SLX4IP: variants seen among roughly 807,000 people sequenced by gnomAD.
The protein encoded by SLX4IP is SLX4 interacting protein, also known as protein SLX4IP.
In SLX4IP, 34 loss-of-function variants were observed where a neutral mutation model predicts 32.9. The ratio of observed to expected loss-of-function variants is 1.03; its 90% CI spans 0.79 to 1.38. SLX4IP has a LOEUF of 1.38. Among genes scored for constraint, SLX4IP ranks in the 40% most tolerant of loss-of-function variants. The pLI, the probability that SLX4IP is intolerant of heterozygous loss-of-function variation, is 0.00. For missense variants in SLX4IP, 444 were observed against 479.0 expected (o/e 0.93, Z 0.68); for synonymous variants, 172 against 171.7 (o/e 1.00, Z -0.01).
chr20:10,609,345 G>C (rs1182162524), intron 6 of SLX4IP, among the ~76,000 whole-genome samples: 2 of 152,220 alleles, frequency 1.3e-5, no homozygotes, highest in African/African-American at 4.8e-5. Context: ...AGGATACAGT[G>C]TCATAACGGG....
At chr20:10,538,127 C>T (rs138469861) in intron 2 of SLX4IP, among the ~76,000 whole-genome samples, 115 of 152,182 alleles carry the variant, frequency 7.6e-4, no homozygotes, top group African/African-American at 2.6e-3. Flanking sequence ...TTTGTTGTTC[C>T]GGGCAGCTGG....
chr20:10,552,242 C>T (rs1351464567), intron 2 of SLX4IP, among the ~76,000 whole-genome samples: 3 of 152,058 alleles, frequency 2.0e-5, no homozygotes, highest in African/African-American at 7.2e-5. Context: ...TGCAGAGTGA[C>T]CAGTTCTGGG....
chr20:10,525,627 A>G (rs1333020240), intron 2 of SLX4IP, among the ~76,000 whole-genome samples: 1 of 152,020 alleles, frequency 6.6e-6, no homozygotes, highest in African/African-American at 2.4e-5. Flanking sequence ...CTTTGTTTCT[A>G]TCACTATTTT....
chr20:10,511,867 A>G (rs185266647), intron 2 of SLX4IP, among the ~76,000 whole-genome samples: 236 of 152,356 alleles, frequency 1.5e-3, no homozygotes, highest in African/African-American at 5.5e-3. Flanking sequence ...AATGTTCATT[A>G]AGTATGAAAC....
chr20:10,502,061 C>G (rs1364997364), intron 2 of SLX4IP, among the ~76,000 whole-genome samples: 1 of 152,052 alleles, frequency 6.6e-6, no homozygotes, highest in Admixed American at 6.6e-5. Flanking sequence ...GAAACGGCGG[C>G]TTATTCATTT....
chr20:10,586,640 A>G (rs1435705272), intron 4 of SLX4IP, among the ~76,000 whole-genome samples: 1 of 152,214 alleles, frequency 6.6e-6, no homozygotes, highest in Non-Finnish European at 1.5e-5. Context: ...AGGGAAAAAA[A>G]GATGAAGAGA....
chr20:10,516,944 C>G (rs1481648114), intron 2 of SLX4IP, among the ~76,000 whole-genome samples: 1 of 152,164 alleles, frequency 6.6e-6, no homozygotes, highest in Non-Finnish European at 1.5e-5. Context: ...TCCCTTCAAT[C>G]TATACAATAT....
intron 4 of SLX4IP, among the ~76,000 whole-genome samples, chr20:10,564,229 A>G (rs991797090): frequency 6.6e-6 from 1 of 152,214 alleles, no homozygotes; most frequent in Non-Finnish European, 1.5e-5. Context: ...ACATCTCTCT[A>G]TACATTTATC....
intron 2 of SLX4IP, among the ~76,000 whole-genome samples, chr20:10,507,924 A>G (rs1179273704): frequency 1.3e-5 from 2 of 150,822 alleles, no homozygotes; most frequent in Non-Finnish European, 3.0e-5. Context: ...ATATATACAT[A>G]TATGTATATT....
chr20:10,521,788 T>C (rs225156), intron 2 of SLX4IP, among the ~76,000 whole-genome samples: 271 of 152,296 alleles, frequency 1.8e-3, no homozygotes, highest in African/African-American at 6.2e-3. Context: ...TTACATACAA[T>C]TCTAAAGTGC....
chr20:10,448,558 T>A (rs1233077909), intron 1 of SLX4IP, among the ~76,000 whole-genome samples: 1 of 152,094 alleles, frequency 6.6e-6, no homozygotes, highest in Non-Finnish European at 1.5e-5. Context: ...CATGTAAGAG[T>A]GGCTTGGAAA....
chr20:10,512,773 ACACT>A (rs1405111400), intron 2 of SLX4IP, among the ~76,000 whole-genome samples: 7 of 29,388 alleles, frequency 2.4e-4, no homozygotes, highest in African/African-American at 1.2e-3. Context: ...ATACACACAC[ACACT>A]CTATATATAT....
chr20:10,623,565 C>T lies in SLX4IP; in HGVS notation c.*186C>T, dbSNP rs560739627. 2 of 792,030 alleles carry T rather than the reference C, an allele frequency of 2.5e-6. No homozygotes were observed. The highest frequency in any genetic ancestry group is 3.8e-4 in the Middle Eastern group (1 of 2,612). 49.1% of individuals were successfully genotyped at this position (792,030 alleles called of 1,614,324 possible). ...GCATTTCAAACCGGGAGGCTATATG[C>T]TTGTTCTAACAGCGTTGCTTCTTTA... On this transcript the variant is annotated 3_prime_UTR_variant, in exon 8 of 8. Coordinates refer to ENST00000334534, the MANE Select transcript of SLX4IP (RefSeq NM_001009608.3).
chr20:10,526,971 C>T (rs982158257), intron 2 of SLX4IP, among the ~76,000 whole-genome samples: 4 of 152,132 alleles, frequency 2.6e-5, no homozygotes, highest in Non-Finnish European at 5.9e-5. Flanking sequence ...ACAGGATCTC[C>T]TTCTGTTACC....
At chr20:10,465,713 C>A (rs2065375304) in intron 2 of SLX4IP, among the ~76,000 whole-genome samples, 1 of 152,206 alleles carries the variant, frequency 6.6e-6, no homozygotes, top group African/African-American at 2.4e-5. Context: ...GCCATGTTGG[C>A]CAGGCTGGTC....
chr20:10,591,928 A>G (rs1171982938), intron 4 of SLX4IP, among the ~76,000 whole-genome samples: 1 of 152,222 alleles, frequency 6.6e-6, no homozygotes. Context: ...AGAAAATGAA[A>G]TTTGTGGCAC....
At chr20:10,620,710 C>T (rs1468546720) in intron 6 of SLX4IP, among the ~76,000 whole-genome samples, 3 of 152,142 alleles carry the variant, frequency 2.0e-5, no homozygotes, top group African/African-American at 4.8e-5. Context: ...TCTGCCACCA[C>T]GTCCCGCTAG....
intron 6 of SLX4IP, among the ~76,000 whole-genome samples, chr20:10,619,389 A>G (rs1239615914): frequency 6.6e-6 from 1 of 151,938 alleles, no homozygotes; most frequent in East Asian, 1.9e-4. Flanking sequence ...TTCTTAAAGG[A>G]GTTTTTGAAG....
intron 1 of SLX4IP, among the ~76,000 whole-genome samples, chr20:10,436,312 C>A (rs1042263651): frequency 5.9e-5 from 9 of 152,092 alleles, no homozygotes; most frequent in African/African-American, 1.7e-4. Flanking sequence ...CCTTAAAGTT[C>A]AAGGAACATT....
Sources: gnomAD v4.1 joint callset for allele counts (sites outside exome capture counted in the v4.1 genomes callset) on GRCh38, gnomAD v4.1.1 for gene constraint, MANE v1.5 for transcripts, NCBI Gene and HGNC (gene_info 2026-07-23, HGNC 2026-07-21) for gene names.